POLR1C: variants seen among roughly 807,000 people sequenced by gnomAD.
POLR1C encodes the protein RNA polymerase I and III subunit C, also known as DNA-directed RNA polymerases I and III subunit RPAC1.
POLR1C carries 42 observed loss-of-function variants against 38.3 expected under a neutral mutation model. The ratio of observed to expected loss-of-function variants is 1.10; its 90% CI spans 0.86 to 1.42. The LOEUF (loss-of-function observed/expected upper bound fraction) is 1.42. POLR1C is among the 40% of genes most tolerant of loss of function. The pLI, the probability that POLR1C is intolerant of heterozygous loss-of-function variation, is 0.00. For missense variants in POLR1C, 507 were observed against 450.5 expected (o/e 1.13, Z -1.14); for synonymous variants, 163 against 163.9 (o/e 0.99, Z 0.04).
chr6:43,526,522 T>G (rs1582193485), intron 8 of POLR1C: 1 of 704,056 alleles, frequency 1.4e-6, no homozygotes, highest in Non-Finnish European at 2.5e-6. Context: ...GGCTTGGAGG[T>G]GGGAGTATGA....
intron 9 of POLR1C, among the ~76,000 whole-genome samples, chr6:43,542,063 A>G (rs1794724277): frequency 6.6e-6 from 1 of 152,150 alleles, no homozygotes; most frequent in African/African-American, 2.4e-5. Context: ...GATTACATGC[A>G]TGAGCCACCG....
chr6:43,533,424 A>G (rs1469079163), downstream of POLR1C: 1 of 152,706 alleles, frequency 6.5e-6, no homozygotes, highest in Non-Finnish European at 1.5e-5. Flanking sequence ...ATGCTAAGAT[A>G]ATGAAGTAAA....
intron 8 of POLR1C, chr6:43,527,136 C>A (rs6458339): frequency 4.3e-6 from 1 of 231,132 alleles, no homozygotes; most frequent in Non-Finnish European, 8.8e-6. Context: ...GGAAGTTATT[C>A]CTAATGAATC....
chr6:43,549,227 A>G (rs1327241257), intron 9 of POLR1C, among the ~76,000 whole-genome samples: 3 of 151,916 alleles, frequency 2.0e-5, no homozygotes, highest in Admixed American at 2.0e-4. Context: ...ATGCCCAGCT[A>G]ATTTTTTTGT....
At chr6:43,519,594 T>C in intron 3 of POLR1C, 112 bp from the exon 4 acceptor site, 1 of 1,521,360 alleles carries the variant, frequency 6.6e-7, no homozygotes, top group Non-Finnish European at 9.1e-7. Context: ...AAATTTCTCA[T>C]TAAACATTCT....
rs1458237339 is a variant in POLR1C at position 43,560,997 on chromosome 6, G to A, written c.*49-403G>A. 3 of 1,613,764 alleles carry A rather than the reference G, an allele frequency of 1.9e-6. No homozygotes were observed. In the South Asian group the frequency reaches 3.3e-5, roughly 18 times the overall value. The stretch of plus-strand genomic sequence containing the variant: ...AAAGTTTGATGGTGTTTCTACATCA[G>A]AATCTGCACCCTGTAGGAGAAGACC... On this transcript the variant is annotated intron_variant, in intron 10 of 10. Transcript: ENST00000607635.
At position 43,519,220 on chromosome 6, in the gene POLR1C, G is replaced by C. The variant is rs1053958060; in HGVS notation, c.142-113G>C. 7 of 730,154 alleles carry C rather than the reference G, an allele frequency of 9.6e-6. No individual in the cohort carries two copies. In the East Asian group the frequency reaches 1.6e-4, roughly 17 times the overall value. 45.2% of individuals were successfully genotyped at this position (730,154 alleles called of 1,614,324 possible). A position where few individuals can be genotyped will look rare whatever the true frequency, so the allele number is the denominator to read the frequency against. ...ATTTAATAAGAGACATTTGGGCAAA[G>C]GGAGGTTTTTGGATGAGAGGATAAT... On this transcript the variant is annotated intron_variant, in intron 2 of 8. Transcript: ENST00000642195.
chr6:43,527,305 C>G (rs1793657953), intron 8 of POLR1C: 1 of 220,346 alleles, frequency 4.5e-6, no homozygotes, highest in Non-Finnish European at 9.1e-6. Flanking sequence ...CGGAGTTTCA[C>G]TCTTTTGCCA....
At chr6:43,551,114 GGCATGGTTGT>G in intron 10 of POLR1C, 1 of 478,846 alleles carries the variant, frequency 2.1e-6, no homozygotes, top group Non-Finnish European at 3.5e-6. Flanking sequence ...GCCTAGGCCA[GGCATGGTTGT>G]GCATGCTTGT....
At chr6:43,539,706 G>A in intron 9 of POLR1C, 2 of 699,350 alleles carry the variant, frequency 2.9e-6, no homozygotes, top group East Asian at 5.5e-5. Flanking sequence ...TCCGCCATTT[G>A]GTGTTTTCTC....
intron 9 of POLR1C, among the ~76,000 whole-genome samples, chr6:43,545,108 A>G (rs1156468136): frequency 6.6e-6 from 1 of 151,972 alleles, no homozygotes; most frequent in East Asian, 2.0e-4. Context: ...CCTGACCTCA[A>G]GTGATTGACC....
At chr6:43,522,826 G>T, downstream of POLR1C, 1 of 328,840 alleles carries the variant, frequency 3.0e-6, no homozygotes, top group East Asian at 1.0e-4. Flanking sequence ...TCAGGGCCAG[G>T]TCCCGTATCC....
rs1795337906 is a variant in POLR1C, at chr6:43,553,265, G to GC, written c.*48+2255dup. The GC allele has an allele frequency of 2.2e-6, 3 of 1,364,790 alleles. No homozygotes were observed. In the South Asian group the frequency reaches 4.5e-5, roughly 20 times the overall value. 84.5% of individuals were successfully genotyped at this position (1,364,790 alleles called of 1,614,324 possible). On this transcript the variant is annotated intron_variant, in intron 10 of 10. Coordinates refer to the POLR1C transcript ENST00000607635. ...TACAGAGAGCTATGATTGTGCCACT[G>GC]CATTTCAGCCTGAGCAACAGAGAGA...
chr6:43,519,297 C>T (rs1793014426), intron 2 of POLR1C, 36 bp from the exon 3 acceptor site: 1 of 1,184,864 alleles, frequency 8.4e-7, no homozygotes, highest in African/African-American at 1.5e-5. Context: ...ACACAGAGAG[C>T]AGATTTCACT....
intron 10 of POLR1C, among the ~76,000 whole-genome samples, chr6:43,552,468 T>A (rs1236235264): frequency 1.3e-5 from 2 of 152,130 alleles, no homozygotes; most frequent in Non-Finnish European, 2.9e-5. Flanking sequence ...TTCCTGTACC[T>A]CAGCCTCCCA....
intron 8 of POLR1C, 41 bp from the exon 9 acceptor site, chr6:43,521,141 G>GGCAA (rs2127691889): frequency 6.2e-7 from 1 of 1,611,136 alleles, no homozygotes; most frequent in East Asian, 2.2e-5. Context: ...AAGTTTTACA[G>GGCAA]GCAAGCCCTG....
At chr6:43,524,530 T>A (rs1793423285), downstream of POLR1C, 1 of 1,613,946 alleles carries the variant, frequency 6.2e-7, no homozygotes, top group Non-Finnish European at 8.5e-7. Flanking sequence ...TCAGCCACTT[T>A]CTGCAGGGAG....
chr6:43,549,253 C>T (rs1037243713), intron 9 of POLR1C, among the ~76,000 whole-genome samples: 14 of 151,982 alleles, frequency 9.2e-5, no homozygotes, highest in African/African-American at 2.4e-4. Flanking sequence ...TAGTAGAGAC[C>T]GGACTTCACC....
intron 9 of POLR1C, among the ~76,000 whole-genome samples, chr6:43,537,757 T>C (rs1794424504): frequency 6.6e-6 from 1 of 152,078 alleles, no homozygotes. Context: ...TCCACATTTT[T>C]CAACAAATAA....
Sources: gnomAD v4.1 joint callset for allele counts (sites outside exome capture counted in the v4.1 genomes callset) on GRCh38, gnomAD v4.1.1 for gene constraint, MANE v1.5 for transcripts, NCBI Gene and HGNC (gene_info 2026-07-23, HGNC 2026-07-21) for gene names.